PTPRM: variants seen among roughly 807,000 people sequenced by gnomAD.
PTPRM encodes protein tyrosine phosphatase receptor type M, also known as receptor-type tyrosine-protein phosphatase mu.
Under a neutral mutation model 186.7 loss-of-function variants are expected in PTPRM, and 47 were observed. The observed-to-expected ratio is 0.25, with a 90% CI of 0.20 to 0.32. The LOEUF is 0.32. Ranked by LOEUF, PTPRM falls within the 10% of genes least tolerant of loss-of-function variation. The pLI is 1.00. For missense variants in PTPRM, 1,494 were observed against 1,865.0 expected (o/e 0.80, Z 3.66); for synonymous variants, 668 against 674.9 (o/e 0.99, Z 0.16).
chr18:8,319,092 C>CA, intron 21 of PTPRM, 86 bp from the exon 22 acceptor site: 1 of 911,094 alleles, frequency 1.1e-6, no homozygotes, highest in Non-Finnish European at 1.7e-6. Context: ...TTTGTGTGCA[C>CA]ATTCCTTTCA....
At chr18:8,284,077 AAC>A (rs2094930901) in intron 19 of PTPRM, among the ~76,000 whole-genome samples, 1 of 152,188 alleles carries the variant, frequency 6.6e-6, no homozygotes, top group Non-Finnish European at 1.5e-5. Flanking sequence ...TTGCTGAAAC[AAC>A]AGTCTAGCTA....
At chr18:8,161,239 G>C (rs2093223680) in intron 14 of PTPRM, among the ~76,000 whole-genome samples, 1 of 152,174 alleles carries the variant, frequency 6.6e-6, no homozygotes, top group Non-Finnish European at 1.5e-5. Context: ...GGGTGTCTTT[G>C]CTGAGAATTA....
chr18:7,902,140 T>C (rs909387374), intron 3 of PTPRM, among the ~76,000 whole-genome samples: 1 of 152,360 alleles, frequency 6.6e-6, no homozygotes, highest in Middle Eastern at 3.4e-3. Flanking sequence ...AAGTCAGTGT[T>C]GGAACCTGTC....
In PTPRM at chr18:8,069,916, G is replaced by A; in HGVS notation, c.1363G>A (p.Val455Ile). The A allele has an allele frequency of 6.2e-7, 1 of 1,613,990 alleles. No homozygotes were observed. The highest frequency in any genetic ancestry group is 8.5e-7 in the Non-Finnish European group (1 of 1,179,890). Reference sequence around the variant, plus strand: ...CACTAACCTGTCACCATACACCAATGTCAGTGTGAAACTGATCCTCATGAA... The same window carrying A: ...CACTAACCTGTCACCATACACCAATATCAGTGTGAAACTGATCCTCATGAA... ...TITNLSPYTNVSVKLILMNPE... is the reference protein window; with the variant it reads ...TITNLSPYTNISVKLILMNPE... The change falls in exon 8 of 33, where the codon GTC becomes ATC. Residue 455 changes from valine to isoleucine, a missense_variant. Val to Ile is a conservative substitution (Grantham distance 29, BLOSUM62 3). This residue lies in a region of PTPRM where 1,107 missense variants were observed against 1,350.2 expected (regional missense o/e 0.82). Coordinates refer to ENST00000580170, the MANE Select transcript of PTPRM (RefSeq NM_001105244.2).
chr18:8,278,673 A>ACGG (rs1568653524), intron 19 of PTPRM, among the ~76,000 whole-genome samples: 3 of 152,190 alleles, frequency 2.0e-5, no homozygotes, highest in Admixed American at 6.5e-5. Flanking sequence ...AAAATAAGAA[A>ACGG]CGGGTCATGG....
rs181444558 is a variant in PTPRM at position 7,673,953 on chromosome 18, G to C, written c.74-100196G>C. Among the ~76,000 whole-genome samples, 553 of 152,280 alleles carry C rather than the reference G, an allele frequency of 3.6e-3. 3 individuals are homozygous for C. The highest frequency in any genetic ancestry group is 0.012 in the African/African-American group (491 of 41,562). ...ACTGGGTAGAGCAGAGTGGAGGTGAGGAAGGGGAGAAGAGTACACGCAGCT... is the reference window on the plus strand; with the variant it reads ...ACTGGGTAGAGCAGAGTGGAGGTGACGAAGGGGAGAAGAGTACACGCAGCT... On this transcript the variant is annotated intron_variant, in intron 1 of 32. Coordinates refer to ENST00000580170, the MANE Select transcript of PTPRM (RefSeq NM_001105244.2).
At chr18:8,042,818 A>T (rs28521877) in intron 7 of PTPRM, among the ~76,000 whole-genome samples, 3,477 of 152,050 alleles carry the variant, frequency 0.023, 126 homozygotes, top group African/African-American at 0.079. Flanking sequence ...CCTGCTGTAC[A>T]CCTGCCCAGC....
chr18:8,334,429 C>A (rs571623509), intron 22 of PTPRM, among the ~76,000 whole-genome samples: 2 of 152,294 alleles, frequency 1.3e-5, no homozygotes, highest in African/African-American at 4.8e-5. Context: ...GCCAGCCACA[C>A]GTGGCCGGCT....
intron 11 of PTPRM, among the ~76,000 whole-genome samples, chr18:8,108,278 GAAC>G (rs879411274): frequency 7.2e-5 from 11 of 151,844 alleles, no homozygotes; most frequent in Admixed American, 7.2e-4. Context: ...ATGATAAAAT[GAAC>G]AATATTCTAA....
intron 7 of PTPRM, among the ~76,000 whole-genome samples, chr18:7,972,849 G>A (rs970574426): frequency 6.6e-6 from 1 of 152,002 alleles, no homozygotes; most frequent in South Asian, 2.1e-4. Flanking sequence ...ATCCTTTTGT[G>A]TTTATCCTTC....
intron 2 of PTPRM, among the ~76,000 whole-genome samples, chr18:7,863,104 A>T (rs2047478974): frequency 1.3e-5 from 2 of 152,200 alleles, no homozygotes; most frequent in African/African-American, 4.8e-5. Flanking sequence ...TTTTAAGTAT[A>T]GAAATGGACT....
chr18:8,175,280 CT>C (rs2093464233), intron 14 of PTPRM, among the ~76,000 whole-genome samples: 1 of 152,148 alleles, frequency 6.6e-6, no homozygotes, highest in Non-Finnish European at 1.5e-5. Context: ...TATTATTCAA[CT>C]TTTTGGTGGC....
At position 7,955,249 on chromosome 18, in the gene PTPRM, G is replaced by T. The variant is rs1213905523; in HGVS notation, c.967G>T (p.Ala323Ser). Residue 323 changes from alanine (A) to serine (S), a missense_variant, in exon 7 of 33, where the codon GCC becomes TCC. By Grantham distance (99) the Ala-to-Ser change is moderately conservative. Coordinates refer to ENST00000580170, the MANE Select transcript of PTPRM (RefSeq NM_001105244.2). Reference protein sequence around the residue: ...IVAREVEYCTASGSWNDRQPV... With the variant: ...IVAREVEYCTSSGSWNDRQPV... Reference sequence around the variant, plus strand: ...GGCCCGAGAGGTGGAGTACTGCACGGCCAGTGGGAGCTGGAATGACCGGCA... The same window carrying T: ...GGCCCGAGAGGTGGAGTACTGCACGTCCAGTGGGAGCTGGAATGACCGGCA... The T allele has an allele frequency of 1.7e-5, 28 of 1,613,974 alleles. 1 individual carries two copies. Among genetic ancestry groups the T allele is most frequent in the Non-Finnish European group, 2.3e-5 (27 of 1,180,022 alleles).
At chr18:7,885,646 T>C (rs929454804) in intron 2 of PTPRM, among the ~76,000 whole-genome samples, 1 of 152,120 alleles carries the variant, frequency 6.6e-6, no homozygotes, top group African/African-American at 2.4e-5. Context: ...AATAGACTAT[T>C]CTTAGTCAAA....
rs999834998 is a variant in PTPRM, at chr18:8,067,369, G to A, written c.1133-2317G>A. ...TAGTCTAGGGAAAAAAACCTTCAAT[G>A]TTATTTCTAAATAATTTATTTATGA... On this transcript the variant is annotated intron_variant, in intron 7 of 32. Transcript: ENST00000580170. Among the ~76,000 whole-genome samples the A allele has an allele frequency of 1.8e-3, 277 of 152,264 alleles. 2 individuals are homozygous for A. The highest frequency in any genetic ancestry group is 5.8e-3 in the African/African-American group (241 of 41,568).
At chr18:7,785,040 G>A (rs77543917) in intron 2 of PTPRM, among the ~76,000 whole-genome samples, 82 of 152,292 alleles carry the variant, frequency 5.4e-4, no homozygotes, top group African/African-American at 1.9e-3. Flanking sequence ...CTGTGTAAAG[G>A]CAGTGAGGGG....
At chr18:7,812,696 A>C (rs1346711681) in intron 2 of PTPRM, among the ~76,000 whole-genome samples, 1 of 152,172 alleles carries the variant, frequency 6.6e-6, no homozygotes, top group Non-Finnish European at 1.5e-5. Context: ...TTCACCAGTG[A>C]ATGTTGAAAA....
Position 7,567,757 on chromosome 18 carries a change from C to A in PTPRM, c.-62C>A. ...TGCCTCGGAACCAAAGCTCCCGGCC[C>A]CCTCCGCCCTCGCGCGCCCACCCAC... On this transcript the variant is annotated 5_prime_UTR_variant, in exon 1 of 33. Coordinates refer to ENST00000580170, the MANE Select transcript of PTPRM (RefSeq NM_001105244.2). The surrounding 1 kb of genome is among the most constrained non-coding windows in gnomAD (Gnocchi z 4.3). 7.0e-7 allele frequency: 1 copy of A among 1,431,872 alleles called. No homozygotes were observed. 88.7% of individuals were successfully genotyped at this position (1,431,872 alleles called of 1,614,324 possible). A position where few individuals can be genotyped will look rare whatever the true frequency, so the allele number is the denominator to read the frequency against.
At chr18:8,088,652 A>G in intron 10 of PTPRM, 97 bp from the exon 11 acceptor site, 1 of 960,964 alleles carries the variant, frequency 1.0e-6, no homozygotes, top group Non-Finnish European at 1.7e-6. Flanking sequence ...AAGTAAATGC[A>G]CTGTGTTCTT....
Sources: allele counts gnomAD v4.1 joint callset (sites outside exome capture counted in the v4.1 genomes callset), GRCh38; gene constraint gnomAD v4.1.1; regional missense constraint gnomAD v4.1.1; non-coding constraint Gnocchi (gnomAD v3.1); transcripts MANE v1.5; gene names NCBI Gene and HGNC (gene_info 2026-07-23, HGNC 2026-07-21).